Variants in VWC2 observed in about 807,000 individuals in gnomAD.
VWC2 encodes brorin.
VWC2 carries 14 observed loss-of-function variants against 29.8 expected under a neutral mutation model. That is an observed-to-expected ratio of 0.47 (90% CI 0.31 to 0.74). The LOEUF (loss-of-function observed/expected upper bound fraction) is 0.74. VWC2 is among the 30% of genes least tolerant of loss of function. VWC2 has a pLI of 0.05. For synonymous variants in VWC2, 213 were observed against 199.0 expected, an observed-to-expected ratio of 1.07 and a Z score of -0.59; for missense variants, 457 against 459.8, an observed-to-expected ratio of 0.99 and a Z score of 0.05.
chr7:49,775,848 C>G lies in VWC2; in HGVS notation c.413C>G (p.Thr138Arg), dbSNP rs1489776279. ...QDAIGPELAPTPEPPEEYVYP... is the reference protein window; with the variant it reads ...QDAIGPELAPRPEPPEEYVYP... ...GCGATTGGCCCGGAACTCGCGCCCA[C>G]GCCCGAGCCACCCGAGGAGTACGTG... is the stretch of plus-strand genomic sequence containing the variant. Residue 138 changes from threonine (T) to arginine (R), a missense_variant, in exon 2 of 4, where the codon ACG becomes AGG. Transcript: ENST00000340652. 1 of 1,551,724 alleles carries G rather than the reference C, an allele frequency of 6.4e-7. No individual in the cohort carries two copies. The highest frequency in any genetic ancestry group is 8.7e-7 in the Non-Finnish European group (1 of 1,148,586).
chr7:49,785,285 T>A (rs1427620123), intron 2 of VWC2, among the ~76,000 whole-genome samples: 2 of 152,176 alleles, frequency 1.3e-5, no homozygotes, highest in African/African-American at 4.8e-5. Flanking sequence ...AAAGAGATGT[T>A]TCGATACATG....
At chr7:49,877,510 A>G (rs1172813942) in intron 3 of VWC2, among the ~76,000 whole-genome samples, 1 of 97,356 alleles carries the variant, frequency 1.0e-5, no homozygotes, top group South Asian at 3.5e-4. Context: ...ATATATATAT[A>G]TATATATAGT....
At chr7:49,890,241 G>A (rs992895365) in intron 3 of VWC2, among the ~76,000 whole-genome samples, 1 of 152,238 alleles carries the variant, frequency 6.6e-6, no homozygotes, top group African/African-American at 2.4e-5. Context: ...CAGGTCAAGC[G>A]TATTTGATAA....
intron 3 of VWC2, among the ~76,000 whole-genome samples, chr7:49,823,126 C>T (rs1789302706): frequency 6.6e-6 from 1 of 152,154 alleles, no homozygotes; most frequent in Non-Finnish European, 1.5e-5. Flanking sequence ...TTCAGGAGTG[C>T]ATGAGTGCTC....
intron 3 of VWC2, among the ~76,000 whole-genome samples, chr7:49,875,307 T>C (rs1308614510): frequency 8.4e-6 from 1 of 119,616 alleles, no homozygotes; most frequent in Non-Finnish European, 1.6e-5. Context: ...GAGATGGAGG[T>C]TGCAGTGAGC....
chr7:49,807,060 C>CCA (rs1788894842), intron 3 of VWC2, among the ~76,000 whole-genome samples: 1 of 152,052 alleles, frequency 6.6e-6, no homozygotes, highest in Non-Finnish European at 1.5e-5. Flanking sequence ...TCATACAAAT[C>CCA]AAATACTTTT....
At chr7:49,820,216 T>C (rs1583649775) in intron 3 of VWC2, among the ~76,000 whole-genome samples, 1 of 152,178 alleles carries the variant, frequency 6.6e-6, no homozygotes, top group East Asian at 1.9e-4. Context: ...CCACAGCCGC[T>C]CTGTAGCTCT....
At chr7:49,876,577 A>AAATTTAATTGGAG (rs1791422063) in intron 3 of VWC2, among the ~76,000 whole-genome samples, 2 of 152,178 alleles carry the variant, frequency 1.3e-5, no homozygotes, top group South Asian at 4.1e-4. Context: ...TTAAATACCT[A>AAATTTAATTGGAG]CTTGGAGAAA....
chr7:49,874,180 C>A (rs958802773), intron 3 of VWC2, among the ~76,000 whole-genome samples: 3 of 149,532 alleles, frequency 2.0e-5, no homozygotes, highest in African/African-American at 4.9e-5. Context: ...ATGCACACAC[C>A]CACACACACA....
chr7:49,903,983 G>A (rs184120740), intron 3 of VWC2, among the ~76,000 whole-genome samples: 1 of 152,278 alleles, frequency 6.6e-6, no homozygotes, highest in African/African-American at 2.4e-5. Flanking sequence ...CATTTACATA[G>A]CATGGGGGAA....
chr7:49,902,280 G>C (rs1792795445), intron 3 of VWC2, among the ~76,000 whole-genome samples: 1 of 151,734 alleles, frequency 6.6e-6, no homozygotes, highest in African/African-American at 2.4e-5. Context: ...ATTTGCAAAA[G>C]ACATAAAAAA....
chr7:49,807,510 C>T (rs1788906899), intron 3 of VWC2, among the ~76,000 whole-genome samples: 1 of 152,178 alleles, frequency 6.6e-6, no homozygotes, highest in Non-Finnish European at 1.5e-5. Flanking sequence ...ACTAACCTGA[C>T]ATCACAGGAC....
chr7:49,852,679 G>A (rs1301233357), intron 3 of VWC2, among the ~76,000 whole-genome samples: 1 of 150,690 alleles, frequency 6.6e-6, no homozygotes, highest in Admixed American at 6.6e-5. Context: ...TACCACCTTG[G>A]TGTGACGGAT....
intron 3 of VWC2, among the ~76,000 whole-genome samples, chr7:49,822,191 G>A (rs1228481996): frequency 7.9e-5 from 12 of 151,666 alleles, no homozygotes; most frequent in African/African-American, 2.4e-4. Flanking sequence ...AGTATTCAAC[G>A]AAGTAAAAAA....
At chr7:49,821,057 T>A (rs1414712077) in intron 3 of VWC2, among the ~76,000 whole-genome samples, 1 of 152,136 alleles carries the variant, frequency 6.6e-6, no homozygotes, top group Non-Finnish European at 1.5e-5. Context: ...TTAGCCAATA[T>A]TATCACAACA....
chr7:49,779,625 T>G (rs1055909305), intron 2 of VWC2, among the ~76,000 whole-genome samples: 1 of 152,216 alleles, frequency 6.6e-6, no homozygotes, highest in Admixed American at 6.5e-5. Context: ...TTTAACTGTT[T>G]TCTGCTTCCT....
At chr7:49,853,203 TC>T (rs1790267815) in intron 3 of VWC2, among the ~76,000 whole-genome samples, 1 of 152,366 alleles carries the variant, frequency 6.6e-6, no homozygotes, top group African/African-American at 2.4e-5. Context: ...GTGAGGCCTC[TC>T]GTGGTCAGGC....
At chr7:49,810,432 T>A (rs1422077676) in intron 3 of VWC2, among the ~76,000 whole-genome samples, 1 of 152,116 alleles carries the variant, frequency 6.6e-6, no homozygotes, top group East Asian at 1.9e-4. Context: ...AGTAGAAGAC[T>A]CAATGTTGTC....
At chr7:49,789,254 AGT>A (rs1788403051) in intron 2 of VWC2, among the ~76,000 whole-genome samples, 1 of 109,446 alleles carries the variant, frequency 9.1e-6, no homozygotes, top group African/African-American at 3.8e-5. Flanking sequence ...TAGGTGTGGG[AGT>A]GGGTGTGTGT....
Sources: gnomAD v4.1 joint callset for allele counts (sites outside exome capture counted in the v4.1 genomes callset) on GRCh38, gnomAD v4.1.1 for gene constraint, MANE v1.5 for transcripts, NCBI Gene and HGNC (gene_info 2026-07-23, HGNC 2026-07-21) for gene names.